Variants in SAP130 observed in about 807,000 individuals in gnomAD.
The protein encoded by SAP130 is Sin3A associated protein 130, also known as histone deacetylase complex subunit SAP130.
A neutral mutation model predicts 103.2 loss-of-function variants in SAP130; 16 were observed. The ratio of observed to expected loss-of-function variants is 0.16; its 90% CI spans 0.10 to 0.24. The LOEUF (loss-of-function observed/expected upper bound fraction) is 0.24, where lower values mean the gene tolerates loss of function less well. SAP130 is among the 10% of genes least tolerant of loss of function. The pLI is 1.00. For missense variants in SAP130, 990 were observed against 1,359.7 expected (o/e 0.73, Z 4.28); for synonymous variants, 477 against 497.0 (o/e 0.96, Z 0.53).
At position 127,949,896 on chromosome 2, in the gene SAP130, G is replaced by C; in HGVS notation, c.2770C>G (p.Gln924Glu). The change falls in exon 18 of 21, where the codon CAG (glutamine) becomes GAG (glutamate). Residue 924 changes from glutamine to glutamate, a missense_variant. Gln to Glu is a conservative substitution (Grantham distance 29). Transcript: ENST00000643581. ...TTGACCCGGACGTCACTGTACCTCT[G>C]AAAGTGGTGGTAAGCAGCTTTCCAG... ...NPWKAAYHHFQRYSDVRVKEE... is the reference protein window; with the variant it reads ...NPWKAAYHHFERYSDVRVKEE... 2 of 1,614,126 alleles carry C rather than the reference G, an allele frequency of 1.2e-6. No homozygotes were observed. The highest frequency in any genetic ancestry group is 1.1e-5 in the South Asian group (1 of 91,086).
intron 15 of SAP130, among the ~76,000 whole-genome samples, chr2:127,960,605 A>G (rs1364367230): frequency 2.0e-5 from 3 of 152,180 alleles, no homozygotes; most frequent in African/African-American, 7.2e-5. Flanking sequence ...AATCTATTTT[A>G]TATTTTCCAA....
At chr2:128,027,459 A>T in intron 1 of SAP130, 2 of 1,070,796 alleles carry the variant, frequency 1.9e-6, no homozygotes, top group Non-Finnish European at 2.3e-6. Flanking sequence ...GGCAGCCCAA[A>T]CCCCTCGAGG....
chr2:127,942,304 C>A lies in SAP130; in HGVS notation c.3015+120G>T, dbSNP rs764834231. The A allele has an allele frequency of 1.1e-5, 12 of 1,087,464 alleles. No individual in the cohort carries two copies. Among genetic ancestry groups the A allele is most frequent in the Non-Finnish European group, 1.5e-5 (11 of 730,156 alleles). 67.4% of individuals were successfully genotyped at this position (1,087,464 alleles called of 1,614,324 possible). A position where few individuals can be genotyped will look rare whatever the true frequency, so the allele number is the denominator to read the frequency against. On this transcript the variant is annotated intron_variant, in intron 20 of 20. Coordinates refer to ENST00000643581, the MANE Select transcript of SAP130 (RefSeq NM_001330301.2). This position sits in a 1 kb window ranked among gnomAD's most constrained non-coding sequence, Gnocchi z 4.8. ...TCTTTTTGTTTCTCAGGAGTGCAGGCTGAAGCACGTATGTTTTTACTGAAG... is the reference window on the plus strand; with the variant it reads ...TCTTTTTGTTTCTCAGGAGTGCAGGATGAAGCACGTATGTTTTTACTGAAG...
chr2:127,946,103 C>A (rs1006042777), intron 18 of SAP130, among the ~76,000 whole-genome samples: 21 of 152,152 alleles, frequency 1.4e-4, no homozygotes, highest in Non-Finnish European at 1.5e-4. Flanking sequence ...CGTGTCAAGC[C>A]AGGGCCTCCC....
chr2:127,970,338 C>T (rs1330966051), intron 15 of SAP130, among the ~76,000 whole-genome samples: 1 of 150,876 alleles, frequency 6.6e-6, no homozygotes, highest in East Asian at 1.9e-4. Flanking sequence ...ATCAGGAGAT[C>T]AAGACCATCC....
rs1398723395 is a variant in SAP130, at chr2:127,953,979, C to T, written c.2422+1007G>A. ...AGGATAAAGCTGCATTTGTCTTACA[C>T]AAAGTTGCATCGTCAGTGCCCAGAA... is the stretch of plus-strand genomic sequence containing the variant. On this transcript the variant is annotated intron_variant, in intron 16 of 20. Transcript: ENST00000643581. This position sits in a 1 kb window ranked among gnomAD's most constrained non-coding sequence, Gnocchi z 4.0. 6.6e-6 allele frequency among the ~76,000 whole-genome samples: 1 copy of T among 152,172 alleles called. No homozygotes were observed. Among genetic ancestry groups the T allele is most frequent in the African/African-American group, 2.4e-5 (1 of 41,438 alleles).
At chr2:128,009,475 AAAT>A (rs940508303) in intron 7 of SAP130, among the ~76,000 whole-genome samples, 1 of 152,080 alleles carries the variant, frequency 6.6e-6, no homozygotes, top group Non-Finnish European at 1.5e-5. Context: ...TGTCTCCAAA[AAAT>A]AATAATAATC....
At chr2:128,005,803 T>A (rs911286787) in intron 7 of SAP130, among the ~76,000 whole-genome samples, 2 of 151,976 alleles carry the variant, frequency 1.3e-5, no homozygotes, top group African/African-American at 4.8e-5. Flanking sequence ...TCCGGCCCCA[T>A]GCCCAGCTGA....
At chr2:127,954,040 G>C (rs1350448022) in intron 16 of SAP130, among the ~76,000 whole-genome samples, 1 of 152,164 alleles carries the variant, frequency 6.6e-6, no homozygotes, top group African/African-American at 2.4e-5. Context: ...GTTGAGGTAG[G>C]ATTACAGGCA....
chr2:128,022,427 A>G (rs1018021406), intron 2 of SAP130, among the ~76,000 whole-genome samples: 2 of 152,364 alleles, frequency 1.3e-5, no homozygotes, highest in South Asian at 2.1e-4. Context: ...ACATGTGAAT[A>G]TAAGTCCTTG....
chr2:127,961,854 G>C (rs780522428), intron 15 of SAP130, among the ~76,000 whole-genome samples: 90 of 152,166 alleles, frequency 5.9e-4, no homozygotes, highest in Non-Finnish European at 1.2e-3. Context: ...GAAAACTATG[G>C]GGGTGGGAGG....
intron 1 of SAP130, chr2:128,027,130 T>C (rs763785814): frequency 4.3e-6 from 6 of 1,395,250 alleles, no homozygotes; most frequent in Admixed American, 5.0e-5. Flanking sequence ...CCCGCTTCTA[T>C]CTCGCCGGCC....
intron 6 of SAP130, among the ~76,000 whole-genome samples, chr2:128,010,825 T>C (rs565730767): frequency 3.3e-5 from 5 of 150,554 alleles, no homozygotes; most frequent in Admixed American, 2.7e-4. Context: ...GACCGCACCA[T>C]TGCGCTCCAG....
chr2:127,981,323 A>C (rs1559064854), intron 14 of SAP130, among the ~76,000 whole-genome samples: 16 of 117,578 alleles, frequency 1.4e-4, no homozygotes, highest in South Asian at 2.9e-4. Flanking sequence ...CCCCCAATTC[A>C]GCTCCCCCAC....
At chr2:127,999,088 A>G (rs1436053887) in intron 10 of SAP130, among the ~76,000 whole-genome samples, 1 of 152,230 alleles carries the variant, frequency 6.6e-6, no homozygotes, top group Non-Finnish European at 1.5e-5. Context: ...AGTCATGGTG[A>G]GCAGTGATGC....
Position 128,016,565 on chromosome 2 carries a change from C to A in SAP130, c.349-18G>T. 2 of 1,603,982 alleles carry A rather than the reference C, an allele frequency of 1.2e-6. No individual in the cohort carries two copies. Among genetic ancestry groups the A allele is most frequent in the Non-Finnish European group, 8.5e-7 (1 of 1,174,346 alleles). On this transcript the variant is annotated intron_variant, in intron 3 of 20. Coordinates refer to ENST00000643581, the MANE Select transcript of SAP130 (RefSeq NM_001330301.2). Reference sequence around the variant, plus strand: ...GGGGGCGGCTGCAAACAGAAAACCACACAAAACATATCAATGGCCTCATAC... The same window carrying A: ...GGGGGCGGCTGCAAACAGAAAACCAAACAAAACATATCAATGGCCTCATAC...
chr2:128,003,957 CTTTTTTTTTTTTTTTTTTT>C lies in SAP130; in HGVS notation c.870-3522_870-3504del, dbSNP rs61211577. Among the ~76,000 whole-genome samples the C allele has an allele frequency of 1.5e-3, 102 of 67,928 alleles. 2 individuals are homozygous for C. Among genetic ancestry groups the C allele is most frequent in the African/African-American group, 4.7e-3 (102 of 21,528 alleles). The allele number at this position is 67,928 out of a possible 152,430, so 44.6% of individuals were successfully genotyped here. On this transcript the variant is annotated intron_variant, in intron 7 of 20. Coordinates refer to ENST00000643581, the MANE Select transcript of SAP130 (RefSeq NM_001330301.2). ...ACTGTGTAGTTCTCCCACAGATCAG[CTTTTTTTTTTTTTTTTTTT>C]TTTTTTTTTTTTTGTTGACAGCCTG... is the stretch of plus-strand genomic sequence containing the variant.
chr2:127,952,445 C>G (rs950679015), intron 16 of SAP130, among the ~76,000 whole-genome samples: 9 of 52,536 alleles, frequency 1.7e-4, no homozygotes, highest in Non-Finnish European at 2.8e-4. Flanking sequence ...AGCACAACTC[C>G]ATCTTAAAAA....
intron 15 of SAP130, among the ~76,000 whole-genome samples, chr2:127,972,174 G>A (rs1251636202): frequency 1.3e-5 from 2 of 152,202 alleles, no homozygotes; most frequent in East Asian, 3.8e-4. Flanking sequence ...CCAAGAAAGA[G>A]TCTAAAAAAG....
Sources: gnomAD v4.1 joint callset for allele counts (sites outside exome capture counted in the v4.1 genomes callset) on GRCh38, gnomAD v4.1.1 for gene constraint, Gnocchi (gnomAD v3.1) non-coding constraint, MANE v1.5 for transcripts, NCBI Gene and HGNC (gene_info 2026-07-23, HGNC 2026-07-21) for gene names.